Variants in RNF7 observed in about 807,000 individuals in gnomAD.
RNF7 encodes the protein RING-box protein 2.
RNF7 carries 9 observed loss-of-function variants against 17.0 expected under a neutral mutation model. The ratio of observed to expected loss-of-function variants is 0.53; its 90% CI spans 0.32 to 0.92. The LOEUF (loss-of-function observed/expected upper bound fraction) is 0.92. Ranked by LOEUF, RNF7 falls within the 40% of genes least tolerant of loss-of-function variation. The pLI is 0.04. For missense variants in RNF7, 87 were observed against 145.8 expected, an observed-to-expected ratio of 0.60 and a Z score of 2.08; for synonymous variants, 59 against 50.5, an observed-to-expected ratio of 1.17 and a Z score of -0.72.
intron 1 of RNF7, 87 bp from the exon 2 acceptor site, chr3:141,743,422 C>A: frequency 1.0e-6 from 1 of 981,628 alleles, no homozygotes; most frequent in South Asian, 1.4e-5. Context: ...CATCCCTAAC[C>A]CTTAGGGCTT....
intron 2 of RNF7, 82 bp downstream of exon 2, chr3:141,743,638 A>T: frequency 3.0e-6 from 3 of 1,016,726 alleles, no homozygotes; most frequent in Non-Finnish European, 4.5e-6. Context: ...ATTAAGATTG[A>T]CTTTATCAAT....
chr3:141,738,442 A>G lies in RNF7; in HGVS notation c.101A>G (p.Lys34Arg), dbSNP rs1407633464. Residue 34 changes from lysine to arginine, a missense_variant, in exon 1 of 3, where the codon AAG (lysine) becomes AGG (arginine). This residue lies in a region of RNF7 where 36 missense variants were observed against 104.7 expected (regional missense o/e 0.34). Transcript: ENST00000273480. The stretch of plus-strand genomic sequence containing the variant: ...GGCGACAAGATGTTCTCCCTCAAGA[A>G]GTGGAACGCGGTGGCCATGTGGAGC... ...SGGDKMFSLK[K>R]WNAVAMWSWD... 1.2e-6 allele frequency: 2 copies of G among 1,613,474 alleles called. No homozygotes were observed. The highest frequency in any genetic ancestry group is 2.7e-5 in the African/African-American group (2 of 74,896).
chr3:141,738,395 G>A lies in RNF7; in HGVS notation c.54G>A (p.Gly18=). The A allele has an allele frequency of 6.2e-7, 1 of 1,604,088 alleles. No homozygotes were observed. Reference sequence around the variant, plus strand: ...CCTGCGCCCTGGCCTCTCACTCCGGGAGCTCAGGCTCCAAGTCGGGAGGCG... The same window carrying A: ...CCTGCGCCCTGGCCTCTCACTCCGGAAGCTCAGGCTCCAAGTCGGGAGGCG... ...EETCALASHS[G]SSGSKSGGDK... The change falls in exon 1 of 3, where the codon GGG becomes GGA. Residue 18 remains glycine (G), a synonymous_variant. Coordinates refer to ENST00000273480, the MANE Select transcript of RNF7 (RefSeq NM_014245.5).
chr3:141,744,448 A>G (rs1457617610), intron 2 of RNF7, among the ~76,000 whole-genome samples: 2 of 152,020 alleles, frequency 1.3e-5, no homozygotes, highest in African/African-American at 4.8e-5. Context: ...ATGAATCCCA[A>G]ATTCGAGATT....
chr3:141,743,937 A>G (rs2084446186), intron 2 of RNF7, among the ~76,000 whole-genome samples: 1 of 152,192 alleles, frequency 6.6e-6, no homozygotes, highest in African/African-American at 2.4e-5. Flanking sequence ...TACTCTTATA[A>G]TACAGTATTT....
intron 1 of RNF7, chr3:141,743,163 T>G: frequency 4.7e-6 from 1 of 212,954 alleles, no homozygotes; most frequent in Non-Finnish European, 9.3e-6. Flanking sequence ...GTCTTGAAAA[T>G]AAACTGTCCA....
chr3:141,744,997 C>T (rs1225218152), intron 2 of RNF7, among the ~76,000 whole-genome samples, 162 bp from the exon 3 acceptor site: 1 of 152,180 alleles, frequency 6.6e-6, no homozygotes, highest in East Asian at 1.9e-4. Context: ...GTGTAACTTA[C>T]ACATTTAAGT....
In RNF7 at chr3:141,746,892, A is replaced by G. The variant is rs2084480128; in HGVS notation, c.*1615A>G. 6.6e-6 allele frequency: 1 copy of G among 152,228 alleles called. No individual in the cohort carries two copies. The highest frequency in any genetic ancestry group is 2.1e-4 in the South Asian group (1 of 4,830). The allele number at this position is 152,228 out of a possible 1,614,324, so 9.4% of individuals were successfully genotyped here. ...TCTTTCTAGCTACTGAAAAAATTAT[A>G]CAAATATCTTTGGCCATTTAAATGT... On this transcript the variant is annotated 3_prime_UTR_variant, in exon 3 of 3. Coordinates refer to ENST00000273480, the MANE Select transcript of RNF7 (RefSeq NM_014245.5).
Position 141,738,530 on chromosome 3 carries a change from G to C in RNF7, c.175+14G>C. ...TCCAGGTGATGGGTAAGCGCTGCAC[G>C]CGAGTCCAGGGCCGCCCTGCGGCCT... On this transcript the variant is annotated intron_variant, in intron 1 of 2. Coordinates refer to ENST00000273480, the MANE Select transcript of RNF7 (RefSeq NM_014245.5). The C allele has an allele frequency of 1.9e-6, 3 of 1,603,038 alleles. No homozygotes were observed. The highest frequency in any genetic ancestry group is 1.7e-4 in the Middle Eastern group (1 of 5,760).
chr3:141,740,815 G>A (rs1258710042), intron 1 of RNF7, among the ~76,000 whole-genome samples: 3 of 152,188 alleles, frequency 2.0e-5, no homozygotes, highest in African/African-American at 7.2e-5. Flanking sequence ...AGCTATAAGT[G>A]TAATTTAGAG....
At chr3:141,742,422 T>A (rs2084429934) in intron 1 of RNF7, among the ~76,000 whole-genome samples, 2 of 151,902 alleles carry the variant, frequency 1.3e-5, no homozygotes, top group Admixed American at 6.6e-5. Flanking sequence ...GAGACGGGGT[T>A]TCACCATGTT....
intron 1 of RNF7, among the ~76,000 whole-genome samples, chr3:141,739,842 A>G (rs1322981699): frequency 6.6e-6 from 1 of 152,108 alleles, no homozygotes; most frequent in African/African-American, 2.4e-5. Context: ...AGCCTAGGCA[A>G]CATCGCAGGA....
intron 1 of RNF7, among the ~76,000 whole-genome samples, chr3:141,739,757 T>C (rs1224263821): frequency 1.3e-5 from 2 of 152,374 alleles, no homozygotes; most frequent in African/African-American, 4.8e-5. Flanking sequence ...TTTATCTTTC[T>C]CTTTTGAAAG....
intron 2 of RNF7, 50 bp downstream of exon 2, chr3:141,743,606 AGTAG>A: frequency 7.5e-7 from 1 of 1,327,828 alleles, no homozygotes; most frequent in Admixed American, 2.0e-5. Context: ...GTTTTCTCTC[AGTAG>A]GGATGTTTGA....
In RNF7 at chr3:141,743,571, T is replaced by C. The variant is rs746984630; in HGVS notation, c.223+15T>C. The C allele has an allele frequency of 2.5e-6, 4 of 1,597,726 alleles. No individual in the cohort carries two copies. Among genetic ancestry groups the C allele is most frequent in the Non-Finnish European group, 3.4e-6 (4 of 1,171,936 alleles). Reference sequence around the variant, plus strand: ...GGACTGTGTTGGTATGTTGTAATTTTGTTCTCTTGCTTTTTCAACTGAAGG... The same window carrying C: ...GGACTGTGTTGGTATGTTGTAATTTCGTTCTCTTGCTTTTTCAACTGAAGG... On this transcript the variant is annotated intron_variant, in intron 2 of 2. Transcript: ENST00000273480.
At chr3:141,743,290 A>T (rs1373149674) in intron 1 of RNF7, among the ~76,000 whole-genome samples, 1 of 152,222 alleles carries the variant, frequency 6.6e-6, no homozygotes, top group Non-Finnish European at 1.5e-5. Context: ...GCTTATAAAA[A>T]TAGAGGATTT....
chr3:141,740,513 C>T (rs2084405759), intron 1 of RNF7, among the ~76,000 whole-genome samples: 1 of 152,130 alleles, frequency 6.6e-6, no homozygotes, highest in African/African-American at 2.4e-5. Flanking sequence ...CAGGATCAGT[C>T]TTGCATATTT....
Position 141,746,566 on chromosome 3 carries a change from ACTGATTC to A in RNF7, c.*1290_*1296del. ...AGAAAATACTAAACAACTTTATCAA[ACTGATTC>A]ACACTGAGGGGAGGTTATTTTGTAA... On this transcript the variant is annotated 3_prime_UTR_variant, in exon 3 of 3. Coordinates refer to ENST00000273480, the MANE Select transcript of RNF7 (RefSeq NM_014245.5). 1 of 152,154 alleles carries A rather than the reference ACTGATTC, an allele frequency of 6.6e-6. No homozygotes were observed. Among genetic ancestry groups the A allele is most frequent in the East Asian group, 1.9e-4 (1 of 5,184 alleles). The allele number at this position is 152,154 out of a possible 1,614,324, so 9.4% of individuals were successfully genotyped here.
Position 141,743,490 on chromosome 3 carries a change from G to T in RNF7, c.176-19G>T, listed in dbSNP as rs72998398. On this transcript the variant is annotated intron_variant, in intron 1 of 2. Coordinates refer to ENST00000273480, the MANE Select transcript of RNF7 (RefSeq NM_014245.5). ...CATTCTGAGCATCAGAATGAGAATC[G>T]CTATTTGTTTACTTTTAGATGCCTG... 1.2e-6 allele frequency: 2 copies of T among 1,600,754 alleles called. No homozygotes were observed. Among genetic ancestry groups the T allele is most frequent in the South Asian group, 1.1e-5 (1 of 89,878 alleles).
Sources: gnomAD v4.1 joint callset for allele counts (sites outside exome capture counted in the v4.1 genomes callset) on GRCh38, gnomAD v4.1.1 for gene constraint, gnomAD v4.1.1 regional missense constraint, MANE v1.5 for transcripts, NCBI Gene and HGNC (gene_info 2026-07-23, HGNC 2026-07-21) for gene names.